Variants in CTDSPL observed in about 807,000 individuals in gnomAD.
The protein encoded by CTDSPL is CTD small phosphatase-like protein.
Under a neutral mutation model 30.5 loss-of-function variants are expected in CTDSPL, and 8 were observed. The ratio of observed to expected loss-of-function variants is 0.26; its 90% CI spans 0.15 to 0.47. The LOEUF (loss-of-function observed/expected upper bound fraction) is 0.47, where lower values mean the gene tolerates loss of function less well. CTDSPL is among the 20% of genes least tolerant of loss of function. The pLI, the probability that CTDSPL is intolerant of heterozygous loss-of-function variation, is 0.99. For missense variants in CTDSPL, 248 were observed against 366.1 expected, an observed-to-expected ratio of 0.68 and a Z score of 2.63; for synonymous variants, 110 against 137.9, an observed-to-expected ratio of 0.80 and a Z score of 1.42.
chr3:37,956,336 T>C (rs1311669625), intron 2 of CTDSPL, among the ~76,000 whole-genome samples: 1 of 152,210 alleles, frequency 6.6e-6, no homozygotes, highest in Non-Finnish European at 1.5e-5. Flanking sequence ...GTACAAGGCA[T>C]GAAGCAGTGC....
chr3:37,883,698 G>A (rs1160117548), intron 1 of CTDSPL, among the ~76,000 whole-genome samples: 2 of 152,234 alleles, frequency 1.3e-5, no homozygotes, highest in Non-Finnish European at 2.9e-5. Flanking sequence ...GAATACTTTA[G>A]TGAAGCCCTT....
intron 1 of CTDSPL, among the ~76,000 whole-genome samples, chr3:37,942,646 AAAAC>A (rs753841960): frequency 2.7e-5 from 4 of 150,390 alleles, no homozygotes; most frequent in Non-Finnish European, 4.5e-5. Flanking sequence ...CTGTCTTTAA[AAAAC>A]AAACAAAAAT....
intron 1 of CTDSPL, among the ~76,000 whole-genome samples, chr3:37,870,301 G>A (rs1430916685): frequency 6.6e-6 from 1 of 151,970 alleles, no homozygotes; most frequent in Non-Finnish European, 1.5e-5. Context: ...TTGTTTTTCT[G>A]AGATTTGAGT....
intron 1 of CTDSPL, 92 bp from the exon 2 acceptor site, chr3:37,946,965 G>T (rs1303265514): frequency 4.3e-6 from 6 of 1,394,156 alleles, no homozygotes; most frequent in East Asian, 2.6e-5. Context: ...TCTGGGGTCT[G>T]GGGGGCAACT....
Position 37,980,967 on chromosome 3 carries a change from C to A in CTDSPL, c.*100C>A, listed in dbSNP as rs1699485190. ...CCTGGGAGCTGAAAGTGAGGATACT[C>A]CGTGCTCCAGGCCACAGGGTGAATG... is the stretch of plus-strand genomic sequence containing the variant. On this transcript the variant is annotated 3_prime_UTR_variant, in exon 8 of 8. Coordinates refer to ENST00000273179, the MANE Select transcript of CTDSPL (RefSeq NM_001008392.2). The A allele has an allele frequency of 1.4e-6, 2 of 1,443,432 alleles. No homozygotes were observed. Among genetic ancestry groups the A allele is most frequent in the Admixed American group, 2.3e-5 (1 of 43,066 alleles). The allele number at this position is 1,443,432 out of a possible 1,614,324, so 89.4% of individuals were successfully genotyped here.
Position 37,983,484 on chromosome 3 carries a change from C to T in CTDSPL, c.*2617C>T, listed in dbSNP as rs765249496. The T allele has an allele frequency of 2.0e-5, 3 of 152,590 alleles. No individual in the cohort carries two copies. The highest frequency in any genetic ancestry group is 2.9e-5 in the Non-Finnish European group (2 of 68,026). 9.5% of individuals were successfully genotyped at this position (152,590 alleles called of 1,614,324 possible). The stretch of plus-strand genomic sequence containing the variant: ...GAAACCTAATGAAACCTGTTAGCCA[C>T]TTCTCTGTGCCATATACTTCCCATG... On this transcript the variant is annotated 3_prime_UTR_variant, in exon 8 of 8. Transcript: ENST00000273179.
rs950231225 is a variant in CTDSPL, at chr3:37,939,749, T to C, written c.80-7308T>C. 2.7e-5 allele frequency among the ~76,000 whole-genome samples: 4 copies of C among 150,150 alleles called. 1 individual carries two copies. The highest frequency in any genetic ancestry group is 6.7e-5 in the Admixed American group (1 of 14,914). On this transcript the variant is annotated intron_variant, in intron 1 of 7. Transcript: ENST00000273179. ...TTTTACACATTGCTGTTTCACCTGC[T>C]CCTCCCACCACAAAAAAATTAATGA...
Position 37,862,235 on chromosome 3 carries a change from C to T in CTDSPL, c.36C>T (p.Asn12=). The change falls in exon 1 of 8, where the codon AAC becomes AAT. Residue 12 remains asparagine (N), a synonymous_variant. Transcript: ENST00000273179. The surrounding 1 kb of genome is among the most constrained non-coding windows in gnomAD (Gnocchi z 4.3). The part of the protein sequence containing the change: ...DGPAIITQVT[N]PKEDEGRLPG... ...CGGCCATCATCACCCAGGTGACCAACCCCAAGGAGGACGAGGGCCGGTTGC... is the reference window on the plus strand; with the variant it reads ...CGGCCATCATCACCCAGGTGACCAATCCCAAGGAGGACGAGGGCCGGTTGC... 6.7e-7 allele frequency: 1 copy of T among 1,486,034 alleles called. No homozygotes were observed. Among genetic ancestry groups the T allele is most frequent in the Non-Finnish European group, 8.9e-7 (1 of 1,121,124 alleles). 92.1% of individuals were successfully genotyped at this position (1,486,034 alleles called of 1,614,324 possible). A position where few individuals can be genotyped will look rare whatever the true frequency, so the allele number is the denominator to read the frequency against.
intron 1 of CTDSPL, among the ~76,000 whole-genome samples, chr3:37,928,959 G>A (rs937021783): frequency 1.1e-4 from 16 of 152,160 alleles, no homozygotes; most frequent in Middle Eastern, 3.4e-3. Flanking sequence ...CTTTTGTGTA[G>A]GGCATAAAAT....
At chr3:37,921,288 C>A (rs979805937) in intron 1 of CTDSPL, among the ~76,000 whole-genome samples, 3 of 152,170 alleles carry the variant, frequency 2.0e-5, no homozygotes, top group Non-Finnish European at 4.4e-5. Context: ...TTTCCACTGC[C>A]CCATCTAAAG....
chr3:37,879,019 G>T (rs1553680726), intron 1 of CTDSPL, among the ~76,000 whole-genome samples: 1 of 152,112 alleles, frequency 6.6e-6, no homozygotes, highest in Non-Finnish European at 1.5e-5. Context: ...TTGAGGGTGT[G>T]TGGGACACCT....
Position 37,876,799 on chromosome 3 carries a change from C to G in CTDSPL, c.79+14521C>G, listed in dbSNP as rs1395299976. ...TAATGTCTTTTTTTTTTCAGAAATT[C>G]TTATTATGATAAAATACATATAACA... On this transcript the variant is annotated intron_variant, in intron 1 of 7. Transcript: ENST00000273179. Among the ~76,000 whole-genome samples, 5 of 147,744 alleles carry G rather than the reference C, an allele frequency of 3.4e-5. No homozygotes were observed. The East Asian group carries it at 9.9e-4, about 29-fold the overall frequency.
chr3:37,918,986 A>G (rs1016133893), intron 1 of CTDSPL, among the ~76,000 whole-genome samples: 3 of 152,136 alleles, frequency 2.0e-5, no homozygotes, highest in African/African-American at 7.2e-5. Flanking sequence ...GAAAAAAATT[A>G]TATGTAATAT....
At chr3:37,971,629 C>G in intron 6 of CTDSPL, 130 bp downstream of exon 6, 2 of 764,620 alleles carry the variant, frequency 2.6e-6, no homozygotes, top group Non-Finnish European at 4.4e-6. Context: ...GTTCCCACCC[C>G]AGATGGGATG....
intron 3 of CTDSPL, among the ~76,000 whole-genome samples, chr3:37,959,453 T>C (rs1699211942): frequency 6.6e-6 from 1 of 152,248 alleles, no homozygotes; most frequent in Non-Finnish European, 1.5e-5. Flanking sequence ...TTTTAATATA[T>C]GTCATTTATC....
chr3:37,972,220 G>A (rs1001129762), intron 6 of CTDSPL, among the ~76,000 whole-genome samples: 8 of 152,178 alleles, frequency 5.3e-5, no homozygotes, highest in Non-Finnish European at 8.8e-5. Context: ...TGATAGGCCG[G>A]GCGCGGTTGC....
intron 1 of CTDSPL, among the ~76,000 whole-genome samples, chr3:37,896,432 C>T (rs1698390938): frequency 6.6e-6 from 1 of 152,072 alleles, no homozygotes; most frequent in Non-Finnish European, 1.5e-5. Context: ...AAAGGTAGGA[C>T]CAGGGCCTTG....
chr3:37,920,235 G>T (rs987308778), intron 1 of CTDSPL, among the ~76,000 whole-genome samples: 1 of 152,264 alleles, frequency 6.6e-6, no homozygotes, highest in South Asian at 2.1e-4. Context: ...CAGATACTTT[G>T]TCTTGAGGGC....
At chr3:37,957,365 A>T (rs185412018) in intron 3 of CTDSPL, among the ~76,000 whole-genome samples, 1 of 152,360 alleles carries the variant, frequency 6.6e-6, no homozygotes, top group East Asian at 1.9e-4. Flanking sequence ...ACAGCAGGGC[A>T]GCCAGCTCCA....
Sources: gnomAD v4.1 joint callset for allele counts (sites outside exome capture counted in the v4.1 genomes callset) on GRCh38, gnomAD v4.1.1 for gene constraint, Gnocchi (gnomAD v3.1) non-coding constraint, MANE v1.5 for transcripts, NCBI Gene and HGNC (gene_info 2026-07-23, HGNC 2026-07-21) for gene names.